The following NFIA variants were observed in gnomAD, a reference collection of about 807,000 sequenced individuals.
NFIA encodes nuclear factor 1 A-type.
NFIA carries 8 observed loss-of-function variants against 62.8 expected under a neutral mutation model. The ratio of observed to expected loss-of-function variants is 0.13; its 90% CI spans 0.07 to 0.23. The LOEUF is 0.23. Ranked by LOEUF, NFIA falls within the 10% of genes least tolerant of loss-of-function variation. The probability of loss-of-function intolerance (pLI) is 1.00; values close to 1 mark genes in which losing one functional copy is unlikely to be tolerated. For missense variants in NFIA, 410 were observed against 642.1 expected, an observed-to-expected ratio of 0.64 and a Z score of 3.91; for synonymous variants, 235 against 238.1, an observed-to-expected ratio of 0.99 and a Z score of 0.12.
In NFIA at chr1:61,352,756, T is replaced by TACACACAC. The variant is rs10544967; in HGVS notation, c.818+210_818+217dup. Reference sequence around the variant, plus strand: ...CAAATATGCATGTGGCAAGATTAAATACACACACACACACACACACACACA... The same window carrying TACACACAC: ...CAAATATGCATGTGGCAAGATTAAATACACACACACACACACACACACACACACACACA... On this transcript the variant is annotated intron_variant, in intron 5 of 10. Coordinates refer to ENST00000403491, the MANE Select transcript of NFIA (RefSeq NM_001134673.4). 0.023 allele frequency among the ~76,000 whole-genome samples: 3,500 copies of TACACACAC among 150,544 alleles called. 130 individuals carry two copies. The highest frequency in any genetic ancestry group is 0.079 in the African/African-American group (3,236 of 40,960).
chr1:61,391,487 C>CAG (rs1160967558), intron 7 of NFIA, among the ~76,000 whole-genome samples: 3 of 136,512 alleles, frequency 2.2e-5, no homozygotes, highest in African/African-American at 2.8e-5. Context: ...CACACACACA[C>CAG]AGGCAGTTTA....
chr1:61,184,668 TCAACAAAA>T (rs1301423980), intron 2 of NFIA, among the ~76,000 whole-genome samples: 2 of 152,322 alleles, frequency 1.3e-5, no homozygotes, highest in African/African-American at 4.8e-5. Context: ...ATGCCAAAAT[TCAACAAAA>T]TAACACATTA....
rs979141075 is a variant in NFIA at position 61,458,203 on chromosome 1, G to GAAAAAAAGAAAA, written c.*2898_*2909dup. On this transcript the variant is annotated 3_prime_UTR_variant, in exon 11 of 11. Coordinates refer to ENST00000403491, the MANE Select transcript of NFIA (RefSeq NM_001134673.4). ...ATGTGCACTAAAAAATGAAAAAAAG[G>GAAAAAAAGAAAA]AAAAAAAGAAAAAAAAAAAGAAAAA... The GAAAAAAAGAAAA allele has an allele frequency of 7.5e-6, 1 of 133,396 alleles. No homozygotes were observed. Among genetic ancestry groups the GAAAAAAAGAAAA allele is most frequent in the African/African-American group, 3.2e-5 (1 of 31,532 alleles). 8.3% of individuals were successfully genotyped at this position (133,396 alleles called of 1,614,324 possible). A position where few individuals can be genotyped will look rare whatever the true frequency, so the allele number is the denominator to read the frequency against.
At chr1:61,372,216 C>T (rs902995804) in intron 6 of NFIA, among the ~76,000 whole-genome samples, 2 of 151,986 alleles carry the variant, frequency 1.3e-5, no homozygotes, top group African/African-American at 2.4e-5. Flanking sequence ...CAAGTTTCAC[C>T]CAACTTGAAT....
At chr1:61,087,811 T>C (rs1646244835) in intron 1 of NFIA, among the ~76,000 whole-genome samples, 1 of 152,204 alleles carries the variant, frequency 6.6e-6, no homozygotes, top group South Asian at 2.1e-4. Flanking sequence ...GTTAAGATTA[T>C]ACATTGTTAT....
intron 4 of NFIA, among the ~76,000 whole-genome samples, chr1:61,337,304 C>G (rs1159501095): frequency 7.8e-6 from 1 of 128,840 alleles, no homozygotes. Context: ...CTCCTTGCCT[C>G]CTGCCTACCA....
At chr1:61,355,504 G>A (rs1025514786) in intron 5 of NFIA, among the ~76,000 whole-genome samples, 1 of 152,146 alleles carries the variant, frequency 6.6e-6, no homozygotes, top group Non-Finnish European at 1.5e-5. Context: ...GAGTAAAGTT[G>A]TCTCGGAAGC....
At chr1:61,198,848 T>C (rs1455953423) in intron 2 of NFIA, among the ~76,000 whole-genome samples, 1 of 152,186 alleles carries the variant, frequency 6.6e-6, no homozygotes, top group Non-Finnish European at 1.5e-5. Flanking sequence ...CTAATTAAAA[T>C]TTCAAATTGC....
intron 10 of NFIA, among the ~76,000 whole-genome samples, chr1:61,452,692 G>A (rs1220447467): frequency 6.6e-6 from 1 of 152,142 alleles, no homozygotes; most frequent in Non-Finnish European, 1.5e-5. Context: ...AAGCTTTAAC[G>A]TTAGACAAAA....
chr1:61,303,662 C>G (rs1241900118), intron 3 of NFIA, among the ~76,000 whole-genome samples: 1 of 152,174 alleles, frequency 6.6e-6, no homozygotes, highest in East Asian at 1.9e-4. Context: ...TGTTTGACTT[C>G]AGCAGCATAA....
rs115742681 is a variant in NFIA at position 61,392,371 on chromosome 1, G to A, written c.1075+9006G>A. ...ACTACAACTAAACAAAAGTCAGGAA[G>A]CGTGTAATTAAAACTGTACCTTTAT... On this transcript the variant is annotated intron_variant, in intron 7 of 10. Transcript: ENST00000403491. Among the ~76,000 whole-genome samples the A allele has an allele frequency of 2.7e-3, 409 of 152,196 alleles. 2 individuals are homozygous for A. The highest frequency in any genetic ancestry group is 9.5e-3 in the African/African-American group (393 of 41,524).
chr1:61,446,346 C>T (rs1399343539), intron 10 of NFIA, among the ~76,000 whole-genome samples: 1 of 152,196 alleles, frequency 6.6e-6, no homozygotes, highest in Admixed American at 6.5e-5. Context: ...AGCTCAAGGC[C>T]TTCTTCACTT....
At chr1:61,196,345 A>T (rs994251952) in intron 2 of NFIA, among the ~76,000 whole-genome samples, 3 of 152,150 alleles carry the variant, frequency 2.0e-5, no homozygotes, top group Non-Finnish European at 4.4e-5. Flanking sequence ...TTCCTAGGTC[A>T]TGGCTATGGA....
chr1:61,175,488 G>A (rs1047296866), intron 2 of NFIA, among the ~76,000 whole-genome samples: 1 of 152,058 alleles, frequency 6.6e-6, no homozygotes, highest in Admixed American at 6.6e-5. Context: ...AACTATAGAT[G>A]GGAAAAACTA....
At chr1:61,145,999 G>A (rs1647904848) in intron 2 of NFIA, among the ~76,000 whole-genome samples, 1 of 152,202 alleles carries the variant, frequency 6.6e-6, no homozygotes, top group African/African-American at 2.4e-5. Context: ...TCCCTGATAG[G>A]TCTGGAGGTG....
intron 3 of NFIA, among the ~76,000 whole-genome samples, chr1:61,310,671 C>T (rs1322368305): frequency 6.6e-6 from 1 of 152,190 alleles, no homozygotes; most frequent in Non-Finnish European, 1.5e-5. Context: ...CCAGCCATCA[C>T]AAACCAAACG....
intron 10 of NFIA, among the ~76,000 whole-genome samples, chr1:61,435,796 G>T (rs1667300378): frequency 6.6e-6 from 1 of 152,184 alleles, no homozygotes; most frequent in African/African-American, 2.4e-5. Flanking sequence ...GGCGCAATAG[G>T]TAGTGGATAG....
At chr1:61,277,460 C>T (rs1657873459) in intron 2 of NFIA, 60 bp from the exon 3 acceptor site, 1 of 1,539,886 alleles carries the variant, frequency 6.5e-7, no homozygotes, top group South Asian at 1.1e-5. Context: ...AGTCTGGCAC[C>T]TCTGATGCAC....
intron 4 of NFIA, among the ~76,000 whole-genome samples, chr1:61,340,937 C>A (rs1186927488): frequency 6.6e-6 from 1 of 151,910 alleles, no homozygotes; most frequent in African/African-American, 2.4e-5. Context: ...CTGCATTATT[C>A]TAGAAATTGT....
Sources: allele counts gnomAD v4.1 joint callset (sites outside exome capture counted in the v4.1 genomes callset), GRCh38; gene constraint gnomAD v4.1.1; transcripts MANE v1.5; gene names NCBI Gene and HGNC (gene_info 2026-07-23, HGNC 2026-07-21).